PSMB1: variants seen among roughly 807,000 people sequenced by gnomAD.
PSMB1 encodes the protein proteasome subunit beta type-1.
PSMB1 carries 7 observed loss-of-function variants against 25.4 expected under a neutral mutation model. The ratio of observed to expected loss-of-function variants is 0.28; its 90% CI spans 0.16 to 0.52. The LOEUF is 0.52. PSMB1 is among the 20% of genes least tolerant of loss of function. The probability of loss-of-function intolerance (pLI) is 0.97; values close to 1 mark genes in which losing one functional copy is unlikely to be tolerated. For missense variants in PSMB1, 284 were observed against 302.2 expected (o/e 0.94, Z 0.45); for synonymous variants, 119 against 115.0 (o/e 1.03, Z -0.22).
At chr6:170,536,435 T>C (rs1049057113) in intron 5 of PSMB1, 10 of 456,492 alleles carry the variant, frequency 2.2e-5, no homozygotes, top group Admixed American at 1.9e-4. Context: ...TTAGTGATGC[T>C]GGAACTGCTC....
At chr6:170,544,431 C>T (rs6918826) in intron 3 of PSMB1, among the ~76,000 whole-genome samples, 12,129 of 150,244 alleles carry the variant, frequency 0.081, 627 homozygotes, top group African/African-American at 0.14. Context: ...ACTGCAAATC[C>T]TAGCTTTACT....
intron 1 of PSMB1, among the ~76,000 whole-genome samples, chr6:170,552,664 G>A (rs967360965): frequency 2.0e-5 from 3 of 152,170 alleles, no homozygotes; most frequent in Non-Finnish European, 2.9e-5. Context: ...TACCAACCCA[G>A]CTATGCATCT....
intron 4 of PSMB1, among the ~76,000 whole-genome samples, chr6:170,540,958 G>A (rs2114976579): frequency 6.6e-6 from 1 of 152,074 alleles, no homozygotes. Context: ...GAAAGAAGGT[G>A]GAGAAAGAGG....
At chr6:170,546,648 T>C (rs1413382349) in intron 2 of PSMB1, among the ~76,000 whole-genome samples, 1 of 152,106 alleles carries the variant, frequency 6.6e-6, no homozygotes, top group Non-Finnish European at 1.5e-5. Flanking sequence ...GTATTTTTAG[T>C]ACAGATGGGG....
At chr6:170,536,291 A>G in intron 5 of PSMB1, 1 of 434,614 alleles carries the variant, frequency 2.3e-6, no homozygotes, top group South Asian at 1.6e-5. Flanking sequence ...CTATTTTATC[A>G]TTTACTACCA....
intron 2 of PSMB1, among the ~76,000 whole-genome samples, chr6:170,546,913 T>C (rs935950665): frequency 3.3e-5 from 5 of 152,184 alleles, no homozygotes; most frequent in Non-Finnish European, 5.9e-5. Flanking sequence ...CAAAGTCTAA[T>C]TTTAATTCTA....
chr6:170,540,761 C>A (rs184804245), intron 4 of PSMB1, among the ~76,000 whole-genome samples: 4 of 151,616 alleles, frequency 2.6e-5, no homozygotes, highest in Admixed American at 2.0e-4. Context: ...TAAGTACAAG[C>A]TCTTGGAAAT....
At chr6:170,545,391 T>A (rs1178703410) in intron 3 of PSMB1, among the ~76,000 whole-genome samples, 1 of 152,216 alleles carries the variant, frequency 6.6e-6, no homozygotes, top group East Asian at 1.9e-4. Flanking sequence ...TGGCTTTCAA[T>A]GTAAGTTTCT....
Position 170,536,547 on chromosome 6 carries a change from C to G in PSMB1, c.540+687G>C, listed in dbSNP as rs774257454. 6.4e-5 allele frequency: 29 copies of G among 453,554 alleles called. No individual in the cohort carries two copies. In the Middle Eastern group the frequency reaches 1.8e-3, roughly 29 times the overall value. The allele number at this position is 453,554 out of a possible 1,614,324, so 28.1% of individuals were successfully genotyped here. On this transcript the variant is annotated intron_variant, in intron 5 of 5. Coordinates refer to ENST00000262193, the MANE Select transcript of PSMB1 (RefSeq NM_002793.4). ...AGCTGTGGTTGTCCACCACTCCAGA[C>G]AGATGATTCTCCTTGTAAACAGATG... is the stretch of plus-strand genomic sequence containing the variant.
At chr6:170,547,457 C>T (rs1325916975) in intron 2 of PSMB1, among the ~76,000 whole-genome samples, 1 of 152,190 alleles carries the variant, frequency 6.6e-6, no homozygotes, top group Non-Finnish European at 1.5e-5. Flanking sequence ...TTTGCAGAGG[C>T]CACACAATTC....
intron 4 of PSMB1, among the ~76,000 whole-genome samples, chr6:170,542,149 A>C (rs1778765026): frequency 6.6e-6 from 1 of 152,086 alleles, no homozygotes; most frequent in South Asian, 2.1e-4. Flanking sequence ...GAAAGCCTTA[A>C]AAAGAAATTG....
chr6:170,537,413 G>T (rs1351458635), intron 4 of PSMB1, 73 bp from the exon 5 acceptor site: 12 of 1,219,562 alleles, frequency 9.8e-6, no homozygotes, highest in African/African-American at 1.5e-5. Context: ...AATAAATCAG[G>T]TCAAAACGTG....
At chr6:170,546,321 G>C (rs1583115734) in intron 2 of PSMB1, 137 bp from the exon 3 acceptor site, 1 of 675,214 alleles carries the variant, frequency 1.5e-6, no homozygotes, top group South Asian at 1.8e-5. Context: ...CTTCTGGGGA[G>C]GAGGGGTCTG....
At chr6:170,547,303 T>C (rs1291146200) in intron 2 of PSMB1, among the ~76,000 whole-genome samples, 2 of 152,200 alleles carry the variant, frequency 1.3e-5, no homozygotes, top group South Asian at 2.1e-4. Context: ...CTCATTTAAA[T>C]AGCACCCCAA....
intron 1 of PSMB1, 108 bp downstream of exon 1, chr6:170,553,022 A>T: frequency 1.1e-6 from 1 of 943,580 alleles, no homozygotes; most frequent in Non-Finnish European, 1.6e-6. Flanking sequence ...CAGGGTTCTG[A>T]GGCCTGCAGG....
intron 5 of PSMB1, chr6:170,536,648 T>G: frequency 2.8e-6 from 1 of 355,694 alleles, no homozygotes; most frequent in South Asian, 2.2e-5. Flanking sequence ...AATAACATTC[T>G]CTTTCCTGTA....
intron 5 of PSMB1, chr6:170,536,503 A>C (rs1394613967): frequency 1.8e-5 from 8 of 456,418 alleles, no homozygotes; most frequent in Non-Finnish European, 3.1e-5. Context: ...CTTGATATGT[A>C]CTGTAGATTG....
At chr6:170,545,616 A>G (rs1223066095) in intron 3 of PSMB1, among the ~76,000 whole-genome samples, 1 of 152,206 alleles carries the variant, frequency 6.6e-6, no homozygotes, top group Non-Finnish European at 1.5e-5. Flanking sequence ...ACAGACGTTA[A>G]TGGTGCATGT....
intron 3 of PSMB1, among the ~76,000 whole-genome samples, chr6:170,544,603 T>C (rs915929713): frequency 2.0e-5 from 3 of 152,068 alleles, no homozygotes; most frequent in Non-Finnish European, 4.4e-5. Flanking sequence ...TAATCCCAAC[T>C]GAGGCGGGAG....
Sources: allele counts gnomAD v4.1 joint callset (sites outside exome capture counted in the v4.1 genomes callset), GRCh38; gene constraint gnomAD v4.1.1; transcripts MANE v1.5; gene names NCBI Gene and HGNC (gene_info 2026-07-23, HGNC 2026-07-21).